The following PSD3 variants were observed in gnomAD, a reference collection of about 807,000 sequenced individuals.
PSD3 encodes PH and SEC7 domain-containing protein 3.
Under a neutral mutation model 105.5 loss-of-function variants are expected in PSD3, and 49 were observed. The observed-to-expected ratio is 0.46, with a 90% CI of 0.37 to 0.59. The LOEUF (loss-of-function observed/expected upper bound fraction) is 0.59, where lower values mean the gene tolerates loss of function less well. Among genes scored for constraint, PSD3 ranks in the 20% least tolerant of loss-of-function variants. The probability of loss-of-function intolerance (pLI) is 0.00; values close to 1 mark genes in which losing one functional copy is unlikely to be tolerated. For missense variants in PSD3, 1,561 were observed against 1,263.8 expected (o/e 1.24, Z -3.57); for synonymous variants, 557 against 457.8 (o/e 1.22, Z -2.77).
intron 3 of PSD3, 148 bp from the exon 4 acceptor site, chr8:18,868,217 G>C: frequency 1.0e-6 from 1 of 977,298 alleles, no homozygotes; most frequent in African/African-American, 1.6e-5. Context: ...AGGAAGCTAT[G>C]AAATATAATC....
chr8:18,820,720 T>C (rs1164383235), intron 4 of PSD3, among the ~76,000 whole-genome samples: 1 of 152,200 alleles, frequency 6.6e-6, no homozygotes, highest in Non-Finnish European at 1.5e-5. Context: ...AATACAACAG[T>C]CTGCTGTATG....
intron 8 of PSD3, among the ~76,000 whole-genome samples, chr8:18,798,715 T>G (rs1184128515): frequency 1.3e-5 from 2 of 151,828 alleles, no homozygotes; most frequent in African/African-American, 2.4e-5. Context: ...TTTTAAAGAG[T>G]ATTATGAAGA....
At chr8:18,953,334 A>G (rs1460373875) in intron 1 of PSD3, among the ~76,000 whole-genome samples, 2 of 150,154 alleles carry the variant, frequency 1.3e-5, no homozygotes, top group Admixed American at 6.7e-5. Context: ...GTGTGTGTGT[A>G]TGTACATACA....
chr8:18,761,079 T>C (rs1806489572), intron 9 of PSD3, among the ~76,000 whole-genome samples: 1 of 152,152 alleles, frequency 6.6e-6, no homozygotes. Flanking sequence ...ACTTCCCCTC[T>C]TGTAGCATCA....
intron 9 of PSD3, among the ~76,000 whole-genome samples, chr8:18,761,255 T>C (rs184525806): frequency 2.0e-5 from 3 of 152,288 alleles, no homozygotes; most frequent in Non-Finnish European, 4.4e-5. Context: ...GCAGAGGCTA[T>C]GTATCTTTGG....
At chr8:18,775,183 AC>A (rs1274893152) in intron 8 of PSD3, among the ~76,000 whole-genome samples, 5 of 152,184 alleles carry the variant, frequency 3.3e-5, no homozygotes, top group African/African-American at 1.2e-4. Context: ...GCTACCAATA[AC>A]ATAATTTCAT....
intron 9 of PSD3, among the ~76,000 whole-genome samples, chr8:18,698,346 T>TG (rs1165229315): frequency 6.6e-6 from 1 of 152,150 alleles, no homozygotes; most frequent in Non-Finnish European, 1.5e-5. Context: ...CTCTAACTCC[T>TG]GGGCTCAAGT....
At chr8:18,771,788 ACT>A (rs577102542) in intron 8 of PSD3, among the ~76,000 whole-genome samples, 14 of 152,350 alleles carry the variant, frequency 9.2e-5, no homozygotes, top group Middle Eastern at 3.4e-3. Context: ...TCAGTTCAGT[ACT>A]GTTTCACATT....
intron 1 of PSD3, among the ~76,000 whole-genome samples, chr8:19,003,756 T>G (rs1586613163): frequency 6.6e-6 from 1 of 150,930 alleles, no homozygotes; most frequent in African/African-American, 2.4e-5. Context: ...GGGTGGGGGG[T>G]TGGGGACTTG....
At chr8:18,744,596 T>G (rs1044097477) in intron 9 of PSD3, among the ~76,000 whole-genome samples, 4 of 152,254 alleles carry the variant, frequency 2.6e-5, no homozygotes, top group Non-Finnish European at 5.9e-5. Context: ...CTTTCTTTTT[T>G]CTTCTGAAAT....
intron 1 of PSD3, among the ~76,000 whole-genome samples, chr8:18,958,793 C>T (rs1215584571): frequency 1.3e-5 from 2 of 152,076 alleles, no homozygotes; most frequent in African/African-American, 4.8e-5. Context: ...ACTAGGTATA[C>T]AAAGAACTTC....
At chr8:19,040,796 A>G (rs1409493749) in intron 1 of PSD3, among the ~76,000 whole-genome samples, 4 of 152,244 alleles carry the variant, frequency 2.6e-5, no homozygotes, top group African/African-American at 9.6e-5. Context: ...GGAAGAAATC[A>G]GGAATGTTGT....
chr8:18,590,062 T>C (rs1371769880), intron 12 of PSD3, among the ~76,000 whole-genome samples: 1 of 151,126 alleles, frequency 6.6e-6, no homozygotes, highest in Non-Finnish European at 1.5e-5. Flanking sequence ...ACAACAACAA[T>C]AAAAAAGCAA....
At chr8:18,933,465 T>C (rs1821879806) in intron 2 of PSD3, among the ~76,000 whole-genome samples, 1 of 152,188 alleles carries the variant, frequency 6.6e-6, no homozygotes, top group Admixed American at 6.5e-5. Context: ...TTTTATTTTT[T>C]AAATTTTTTG....
At chr8:18,747,949 G>A (rs1044853809) in intron 9 of PSD3, among the ~76,000 whole-genome samples, 5 of 152,112 alleles carry the variant, frequency 3.3e-5, no homozygotes, top group Admixed American at 1.3e-4. Context: ...GCAAGAGAGA[G>A]GGAGAAAGGT....
intron 3 of PSD3, 42 bp from the exon 4 acceptor site, chr8:18,868,111 A>T (rs1817086475): frequency 6.5e-7 from 1 of 1,533,670 alleles, no homozygotes; most frequent in African/African-American, 1.4e-5. Context: ...TATTAGGTTA[A>T]TGTCTTTATT....
At chr8:18,924,971 TAACTG>T (rs1821269250) in intron 2 of PSD3, among the ~76,000 whole-genome samples, 1 of 152,148 alleles carries the variant, frequency 6.6e-6, no homozygotes, top group African/African-American at 2.4e-5. Flanking sequence ...GAGATATAGA[TAACTG>T]GACTTCACCA....
intron 2 of PSD3, among the ~76,000 whole-genome samples, chr8:18,897,656 T>C (rs984835503): frequency 1.3e-5 from 2 of 152,226 alleles, no homozygotes; most frequent in African/African-American, 4.8e-5. Flanking sequence ...TTTTTATTTT[T>C]GCATATGCCT....
At chr8:18,552,704 T>C (rs1800841521) in intron 15 of PSD3, among the ~76,000 whole-genome samples, 2 of 152,236 alleles carry the variant, frequency 1.3e-5, no homozygotes, top group Admixed American at 1.3e-4. Flanking sequence ...CTATTTCTGA[T>C]ATTTATTTCT....
Sources: gnomAD v4.1 joint callset for allele counts (sites outside exome capture counted in the v4.1 genomes callset) on GRCh38, gnomAD v4.1.1 for gene constraint, MANE v1.5 for transcripts, NCBI Gene and HGNC (gene_info 2026-07-23, HGNC 2026-07-21) for gene names.